MACROD2: variants seen among roughly 807,000 people sequenced by gnomAD.
MACROD2 encodes the protein ADP-ribose glycohydrolase MACROD2.
MACROD2 carries 36 observed loss-of-function variants against 70.4 expected under a neutral mutation model. The observed-to-expected ratio is 0.51, with a 90% CI of 0.39 to 0.68. The LOEUF (loss-of-function observed/expected upper bound fraction) is 0.68, where lower values mean the gene tolerates loss of function less well. Ranked by LOEUF, MACROD2 falls within the 30% of genes least tolerant of loss-of-function variation. The pLI is 0.00. For synonymous variants in MACROD2, 172 were observed against 178.8 expected (o/e 0.96, Z 0.30); for missense variants, 496 against 538.4 (o/e 0.92, Z 0.78).
At chr20:14,230,654 T>TATATAGA in intron 3 of MACROD2, among the ~76,000 whole-genome samples, 1 of 74,240 alleles carries the variant, frequency 1.3e-5, no homozygotes. Flanking sequence ...TATATATATA[T>TATATAGA]AACACAGGCT....
At chr20:15,357,247 T>A (rs1369326673) in intron 6 of MACROD2, among the ~76,000 whole-genome samples, 3 of 152,244 alleles carry the variant, frequency 2.0e-5, no homozygotes, top group Non-Finnish European at 2.9e-5. Flanking sequence ...TGAGAAAGAT[T>A]ATACTATATG....
intron 3 of MACROD2, chr20:14,323,047 TAAC>T (rs2082679852): frequency 6.6e-6 from 1 of 152,174 alleles, no homozygotes. Flanking sequence ...AGACTTGTCT[TAAC>T]AAGTTTTGCC....
At chr20:15,462,602 G>A (rs888360188) in intron 7 of MACROD2, among the ~76,000 whole-genome samples, 1 of 152,206 alleles carries the variant, frequency 6.6e-6, no homozygotes, top group African/African-American at 2.4e-5. Context: ...TTACAGCTGA[G>A]TATTCTTAAA....
chr20:15,264,300 T>A (rs1198946031), intron 6 of MACROD2, among the ~76,000 whole-genome samples: 2 of 152,188 alleles, frequency 1.3e-5, no homozygotes, highest in African/African-American at 4.8e-5. Context: ...CAGTTCTTAA[T>A]CTGGTGGGAT....
At chr20:14,555,945 G>A (rs1212742001) in intron 4 of MACROD2, among the ~76,000 whole-genome samples, 2 of 152,032 alleles carry the variant, frequency 1.3e-5, no homozygotes, top group Non-Finnish European at 2.9e-5. Context: ...CTACTCAGCT[G>A]TTGCTTGAAA....
intron 6 of MACROD2, among the ~76,000 whole-genome samples, chr20:15,268,187 T>C (rs2077313700): frequency 6.6e-6 from 1 of 152,012 alleles, no homozygotes; most frequent in Admixed American, 6.5e-5. Flanking sequence ...TTCTTTTGAG[T>C]TGATTTGCTT....
chr20:14,588,971 G>A (rs891003177), intron 4 of MACROD2, among the ~76,000 whole-genome samples: 1 of 152,076 alleles, frequency 6.6e-6, no homozygotes, highest in Non-Finnish European at 1.5e-5. Context: ...AATTATTTTA[G>A]AGAGGGGATA....
intron 7 of MACROD2, among the ~76,000 whole-genome samples, chr20:15,433,994 A>G (rs182456221): frequency 2.0e-5 from 3 of 152,152 alleles, no homozygotes; most frequent in African/African-American, 7.2e-5. Flanking sequence ...GCAAGCCACA[A>G]GTAGAATGAA....
chr20:14,778,263 G>A lies in MACROD2; in HGVS notation c.418+93304G>A, dbSNP rs79233953. 5.9e-3 allele frequency among the ~76,000 whole-genome samples: 904 copies of A among 152,196 alleles called. 14 individuals carry two copies. Among genetic ancestry groups the A allele is most frequent in the African/African-American group, 0.021 (870 of 41,494 alleles). On this transcript the variant is annotated intron_variant, in intron 5 of 17. Transcript: ENST00000684519. The stretch of plus-strand genomic sequence containing the variant: ...AACTATAAAACATTATCTGATGGAC[G>A]ACACAAACGCTCTTTACATCTCTGT...
chr20:14,329,190 G>A (rs552470906), intron 3 of MACROD2: 1 of 151,970 alleles, frequency 6.6e-6, no homozygotes, highest in Non-Finnish European at 1.5e-5. Context: ...CAGAATGTCT[G>A]GTGCAGTCAC....
chr20:14,845,809 G>A (rs2073133811), intron 5 of MACROD2, among the ~76,000 whole-genome samples: 1 of 152,004 alleles, frequency 6.6e-6, no homozygotes, highest in Non-Finnish European at 1.5e-5. Context: ...CTATAGAAAT[G>A]AGTCACGACC....
At chr20:14,649,759 A>T (rs1600498404) in intron 4 of MACROD2, among the ~76,000 whole-genome samples, 3 of 152,076 alleles carry the variant, frequency 2.0e-5, no homozygotes, top group Non-Finnish European at 4.4e-5. Flanking sequence ...CCCTGGGTAC[A>T]TTGTGCTGGT....
chr20:15,676,394 T>C (rs1367090045), intron 8 of MACROD2, among the ~76,000 whole-genome samples: 1 of 152,236 alleles, frequency 6.6e-6, no homozygotes, highest in East Asian at 1.9e-4. Context: ...GCAAGCTAGA[T>C]TAATATCATG....
intron 3 of MACROD2, among the ~76,000 whole-genome samples, chr20:14,420,181 C>T (rs985701190): frequency 1.3e-5 from 2 of 150,756 alleles, no homozygotes; most frequent in African/African-American, 4.8e-5. Context: ...TTAGAGATTC[C>T]TCAAAAAGTT....
chr20:15,206,762 C>G, intron 5 of MACROD2, among the ~76,000 whole-genome samples: 1 of 37,238 alleles, frequency 2.7e-5, no homozygotes, highest in East Asian at 4.3e-4. Flanking sequence ...CGGAGTCTCG[C>G]TCTGTCGCCC....
chr20:15,663,691 T>C (rs142250529), intron 8 of MACROD2, among the ~76,000 whole-genome samples: 172 of 152,264 alleles, frequency 1.1e-3, no homozygotes, highest in Non-Finnish European at 2.2e-3. Flanking sequence ...ATCAGTCTAA[T>C]GATGCCTACT....
intron 4 of MACROD2, among the ~76,000 whole-genome samples, chr20:14,631,119 T>A (rs1357127901): frequency 1.3e-5 from 2 of 152,096 alleles, no homozygotes; most frequent in Non-Finnish European, 1.5e-5. Context: ...TTGGACTGAG[T>A]TCCAGCACTA....
intron 2 of MACROD2, among the ~76,000 whole-genome samples, chr20:14,025,056 T>C (rs1022607895): frequency 6.6e-6 from 1 of 152,188 alleles, no homozygotes; most frequent in African/African-American, 2.4e-5. Flanking sequence ...GAACTTGTTA[T>C]GGTTTATTCA....
intron 5 of MACROD2, among the ~76,000 whole-genome samples, chr20:15,162,810 A>G (rs2076357687): frequency 6.6e-6 from 1 of 152,130 alleles, no homozygotes; most frequent in Non-Finnish European, 1.5e-5. Context: ...TCTTCCTAAT[A>G]TAGCATGCAT....
Sources: allele counts gnomAD v4.1 joint callset (sites outside exome capture counted in the v4.1 genomes callset), GRCh38; gene constraint gnomAD v4.1.1; transcripts MANE v1.5; gene names NCBI Gene and HGNC (gene_info 2026-07-23, HGNC 2026-07-21).